NOD2: variants seen among roughly 807,000 people sequenced by gnomAD.
NOD2 encodes nucleotide binding oligomerization domain containing 2.
NOD2 carries 86 observed loss-of-function variants against 90.9 expected under a neutral mutation model. The observed-to-expected ratio is 0.95, with a 90% CI of 0.79 to 1.13. The LOEUF (loss-of-function observed/expected upper bound fraction) is 1.13, where lower values mean the gene tolerates loss of function less well. Ranked by LOEUF, NOD2 falls within the 50% of genes most tolerant of loss-of-function variation. The pLI is 0.00. For missense variants in NOD2, 1,238 were observed against 1,283.8 expected, an observed-to-expected ratio of 0.96 and a Z score of 0.55; for synonymous variants, 581 against 554.6, an observed-to-expected ratio of 1.05 and a Z score of -0.67.
intron 2 of NOD2, among the ~76,000 whole-genome samples, chr16:50,705,905 C>T (rs1326725566): frequency 1.3e-5 from 2 of 152,168 alleles, no homozygotes; most frequent in Admixed American, 1.3e-4. Flanking sequence ...ACACACACTC[C>T]AGTCAGGGGA....
rs190350266 is a variant in NOD2 at position 50,698,311 on chromosome 16, G to A, written c.-8-1177G>A. On this transcript the variant is annotated intron_variant, in intron 1 of 11. Transcript: ENST00000647318. The stretch of plus-strand genomic sequence containing the variant: ...CTCAAATTCCCAGAACGCACAGCAG[G>A]TCACTGATGATAGCAGTGGCAGCAG... Among the ~76,000 whole-genome samples, 338 of 152,326 alleles carry A rather than the reference G, an allele frequency of 2.2e-3. 2 individuals are homozygous for A. The highest frequency in any genetic ancestry group is 7.9e-3 in the African/African-American group (327 of 41,580).
intron 3 of NOD2, among the ~76,000 whole-genome samples, chr16:50,709,643 C>T (rs546293410): frequency 1.4e-4 from 21 of 152,204 alleles, no homozygotes; most frequent in South Asian, 4.2e-4. Context: ...CCGGTGACCC[C>T]GAGGCCTTCC....
intron 1 of NOD2, among the ~76,000 whole-genome samples, chr16:50,694,879 G>A (rs932067744): frequency 3.9e-5 from 6 of 152,136 alleles, no homozygotes; most frequent in Non-Finnish European, 8.8e-5. Context: ...AGCAGGTGGC[G>A]GGAAGTACTA....
rs5743289 is a variant in NOD2 at position 50,722,863 on chromosome 16, C to G, written c.2717+158C>G. On this transcript the variant is annotated intron_variant, in intron 8 of 11. Transcript: ENST00000647318. ...CCATTGGATTTCAAGAGAGGACACT[C>G]GAGTCTTTCTGGGTGACTTGGAAAT... is the stretch of plus-strand genomic sequence containing the variant. Among the ~76,000 whole-genome samples the G allele has an allele frequency of 2.0e-5, 3 of 152,180 alleles. No homozygotes were observed. In the South Asian group the frequency reaches 6.2e-4, roughly 32 times the overall value.
chr16:50,729,733 C>T (rs949801441), intron 10 of NOD2, 85 bp from the exon 11 acceptor site: 10 of 1,152,610 alleles, frequency 8.7e-6, no homozygotes, highest in African/African-American at 1.5e-5. Flanking sequence ...AGTAGACTGG[C>T]TAACTCCTGC....
chr16:50,731,957 C>G lies in NOD2; in HGVS notation c.*138C>G. The G allele has an allele frequency of 1.4e-6, 1 of 705,346 alleles. No homozygotes were observed. Among genetic ancestry groups the G allele is most frequent in the Non-Finnish European group, 2.6e-6 (1 of 386,828 alleles). 43.7% of individuals were successfully genotyped at this position (705,346 alleles called of 1,614,324 possible). A position where few individuals can be genotyped will look rare whatever the true frequency, so the allele number is the denominator to read the frequency against. ...TAAGGCTGAACTTGTTTTCTGGGAA[C>G]ACCATAGGTCACCTTTATTCTGGCA... On this transcript the variant is annotated 3_prime_UTR_variant, in exon 12 of 12. Transcript: ENST00000647318.
At chr16:50,716,511 TC>T in intron 4 of NOD2, 75 bp from the exon 5 acceptor site, 8 of 1,359,888 alleles carry the variant, frequency 5.9e-6, no homozygotes, top group Non-Finnish European at 8.2e-6. Context: ...TGAATGAAAG[TC>T]TTTTTGGGGG....
chr16:50,701,340 G>C (rs2150785550), intron 2 of NOD2, among the ~76,000 whole-genome samples: 1 of 152,276 alleles, frequency 6.6e-6, no homozygotes, highest in African/African-American at 2.4e-5. Context: ...GGCTGGGTTG[G>C]GGAACATTTT....
At chr16:50,702,273 A>G (rs1237624985) in intron 2 of NOD2, among the ~76,000 whole-genome samples, 1 of 152,264 alleles carries the variant, frequency 6.6e-6, no homozygotes, top group Non-Finnish European at 1.5e-5. Context: ...ATCTTAAGAA[A>G]GGGCTAAATA....
chr16:50,711,080 A>T lies in NOD2; in HGVS notation c.1088A>T (p.Asp363Val), dbSNP rs769622495. 62 of 1,613,992 alleles carry T rather than the reference A, an allele frequency of 3.8e-5. No individual in the cohort carries two copies. Among genetic ancestry groups the T allele is most frequent in the Non-Finnish European group, 4.6e-5 (54 of 1,180,020 alleles). Residue 363 changes from aspartate to valine, a missense_variant, in exon 4 of 12, where the codon GAT becomes GTT. Asp to Val is a radical substitution (Grantham distance 152). Around this residue, in one of 3 missense-constraint regions of NOD2, gnomAD observed 567 missense variants for 577.3 expected, o/e 0.98. Coordinates refer to ENST00000647318, the MANE Select transcript of NOD2 (RefSeq NM_001370466.1). ...GACGAGTTCAAGTTCAGGTTCACGG[A>T]TCGTGAACGCCACTGCTCCCCGACC... Reference protein sequence around the residue: ...GFDEFKFRFTDRERHCSPTDP... With the variant: ...GFDEFKFRFTVRERHCSPTDP...
At chr16:50,727,153 A>AG (rs1169434897) in intron 10 of NOD2, among the ~76,000 whole-genome samples, 1 of 151,906 alleles carries the variant, frequency 6.6e-6, no homozygotes, top group Non-Finnish European at 1.5e-5. Context: ...AAAAAAAAAA[A>AG]AAGGATGAGA....
At position 50,699,955 on chromosome 16, in the gene NOD2, G is replaced by T; in HGVS notation, c.459+1G>T. ...GCCGATCTTCACACCGTCCCAGAGG[G>T]TGAGGCACTCCTGGTGTGCATCACA... On this transcript the variant is annotated splice_donor_variant, in intron 2 of 11. Coordinates refer to ENST00000647318, the MANE Select transcript of NOD2 (RefSeq NM_001370466.1). LOFTEE classifies it high-confidence loss of function. 1.2e-6 allele frequency: 2 copies of T among 1,603,966 alleles called. No individual in the cohort carries two copies. Among genetic ancestry groups the T allele is most frequent in the South Asian group, 2.2e-5 (2 of 91,064 alleles).
intron 1 of NOD2, chr16:50,697,580 T>C (rs938655855): frequency 4.8e-5 from 26 of 538,992 alleles, no homozygotes; most frequent in Non-Finnish European, 8.1e-5. Flanking sequence ...TACCCTTTTT[T>C]GTCCTCTCTT....
intron 9 of NOD2, among the ~76,000 whole-genome samples, chr16:50,723,628 C>T (rs529215561): frequency 6.6e-6 from 1 of 152,284 alleles, no homozygotes; most frequent in Non-Finnish European, 1.5e-5. Flanking sequence ...ACTGCCTCCA[C>T]ATGGCATAAG....
chr16:50,711,324 C>T lies in NOD2; in HGVS notation c.1332C>T (p.Arg444=), dbSNP rs770712938. 1.5e-5 allele frequency: 25 copies of T among 1,613,642 alleles called. No individual in the cohort carries two copies. In the East Asian group the frequency reaches 1.6e-4, roughly 10 times the overall value. ...HEPGVADRLI[R]LLQETSALHG... ...CCGGGGTGGCGGACCGCCTCATCCG[C>T]CTGCTCCAAGAGACCTCAGCCCTGC... The change falls in exon 4 of 12, where the codon CGC becomes CGT. Residue 444 remains arginine (R), a synonymous_variant. Transcript: ENST00000647318.
intron 1 of NOD2, among the ~76,000 whole-genome samples, chr16:50,694,660 G>C (rs1485592493): frequency 6.6e-6 from 1 of 152,092 alleles, no homozygotes; most frequent in African/African-American, 2.4e-5. Flanking sequence ...AAAATCTGTG[G>C]CTTACAGATT....
intron 4 of NOD2, chr16:50,715,679 G>C (rs1186313574): frequency 6.6e-6 from 1 of 152,226 alleles, no homozygotes; most frequent in Non-Finnish European, 1.5e-5. Context: ...GCCTCCCAAA[G>C]TGCTGGGATT....
At chr16:50,713,077 A>T (rs1290287328) in intron 4 of NOD2, 4 of 154,532 alleles carry the variant, frequency 2.6e-5, no homozygotes, top group African/African-American at 9.7e-5. Flanking sequence ...GTGCCCCTGA[A>T]CTCGGGGGCC....
chr16:50,707,355 T>G (rs1596850030), intron 2 of NOD2, among the ~76,000 whole-genome samples: 1 of 152,098 alleles, frequency 6.6e-6, no homozygotes, highest in African/African-American at 2.4e-5. Context: ...CATGGGCAGG[T>G]TAGGAGTTTA....
Sources: gnomAD v4.1 joint callset for allele counts (sites outside exome capture counted in the v4.1 genomes callset) on GRCh38, gnomAD v4.1.1 for gene constraint, gnomAD v4.1.1 regional missense constraint, MANE v1.5 for transcripts, NCBI Gene and HGNC (gene_info 2026-07-23, HGNC 2026-07-21) for gene names.